HDGFL2: variants seen among roughly 807,000 people sequenced by gnomAD.
HDGFL2 encodes hepatoma-derived growth factor-related protein 2.
In HDGFL2, 36 loss-of-function variants were observed where a neutral mutation model predicts 77.1. The ratio of observed to expected loss-of-function variants is 0.47; its 90% confidence interval spans 0.36 to 0.62. The LOEUF (loss-of-function observed/expected upper bound fraction) is 0.62. Ranked by LOEUF, HDGFL2 falls within the 20% of genes least tolerant of loss-of-function variation. The probability of loss-of-function intolerance (pLI) is 0.00; values close to 1 mark genes in which losing one functional copy is unlikely to be tolerated. For missense variants in HDGFL2, 976 were observed against 973.4 expected (o/e 1.00, Z -0.04); for synonymous variants, 463 against 413.1 (o/e 1.12, Z -1.46).
chr19:4,483,536 C>T (rs1026383020), intron 3 of HDGFL2, among the ~76,000 whole-genome samples: 1 of 152,174 alleles, frequency 6.6e-6, no homozygotes, highest in Non-Finnish European at 1.5e-5. Flanking sequence ...CTGCAGCATC[C>T]GCCCAGCCCT....
At chr19:4,491,951 G>C in intron 6 of HDGFL2, 116 bp downstream of exon 6, 1 of 905,132 alleles carries the variant, frequency 1.1e-6, no homozygotes, top group South Asian at 1.5e-5. Context: ...ACGGACTGCA[G>C]GGTACCCGAG....
intron 4 of HDGFL2, among the ~76,000 whole-genome samples, chr19:4,489,649 G>A (rs764001214): frequency 2.0e-5 from 3 of 152,062 alleles, no homozygotes; most frequent in East Asian, 1.9e-4. Flanking sequence ...TGATCCGCCC[G>A]CTTCGGCCTC....
chr19:4,500,685 T>C (rs1166661453), intron 14 of HDGFL2, among the ~76,000 whole-genome samples: 5 of 152,132 alleles, frequency 3.3e-5, no homozygotes, highest in Admixed American at 2.6e-4. Flanking sequence ...ATGGTGTCAA[T>C]CTCTGGACCT....
intron 3 of HDGFL2, among the ~76,000 whole-genome samples, chr19:4,476,758 G>A (rs534999696): frequency 6.6e-6 from 1 of 151,898 alleles, no homozygotes; most frequent in East Asian, 1.9e-4. Flanking sequence ...AAGGCAAATG[G>A]CTAAAAGGCA....
intron 3 of HDGFL2, among the ~76,000 whole-genome samples, chr19:4,480,777 C>T (rs1046071697): frequency 6.6e-6 from 1 of 152,132 alleles, no homozygotes; most frequent in Non-Finnish European, 1.5e-5. Context: ...GACCTGGGAG[C>T]CAGGCCTGGC....
At chr19:4,479,560 G>T (rs1599701792) in intron 3 of HDGFL2, among the ~76,000 whole-genome samples, 1 of 141,922 alleles carries the variant, frequency 7.0e-6, no homozygotes, top group Non-Finnish European at 1.5e-5. Flanking sequence ...CAGCCTGGGC[G>T]ACACAGCGAG....
rs1207825602 is a variant in HDGFL2, at chr19:4,502,072, C to T, written c.*62C>T. 24 of 1,176,826 alleles carry T rather than the reference C, an allele frequency of 2.0e-5. No individual in the cohort carries two copies. The highest frequency in any genetic ancestry group is 7.7e-5 in the East Asian group (3 of 39,212). The allele number at this position is 1,176,826 out of a possible 1,614,324, so 72.9% of individuals were successfully genotyped here. A position where few individuals can be genotyped will look rare whatever the true frequency, so the allele number is the denominator to read the frequency against. ...AGGCTGCCCCTCTCCTTCCCCGGCT[C>T]GCAGGAGAGCAGAGCAGAGAACTGT... On this transcript the variant is annotated 3_prime_UTR_variant, in exon 16 of 16. Transcript: ENST00000616600.
At chr19:4,486,642 A>G (rs1975369935) in intron 3 of HDGFL2, among the ~76,000 whole-genome samples, 1 of 152,008 alleles carries the variant, frequency 6.6e-6, no homozygotes, top group African/African-American at 2.4e-5. Flanking sequence ...GATTGAGATC[A>G]TCCTGGTCAA....
intron 3 of HDGFL2, among the ~76,000 whole-genome samples, chr19:4,483,240 C>CTTCACCACACCCGG (rs1415851166): frequency 6.6e-6 from 1 of 152,208 alleles, no homozygotes; most frequent in African/African-American, 2.4e-5. Context: ...AGCGGTGACG[C>CTTCACCACACCCGG]TTCACCACAC....
intron 3 of HDGFL2, among the ~76,000 whole-genome samples, chr19:4,478,694 T>G (rs1230472343): frequency 6.6e-6 from 1 of 151,234 alleles, no homozygotes; most frequent in Non-Finnish European, 1.5e-5. Flanking sequence ...GTTGGTTTTT[T>G]TTTTTCAGAC....
chr19:4,496,139 G>A lies in HDGFL2; in HGVS notation c.1225-163G>A, dbSNP rs140498822. The stretch of plus-strand genomic sequence containing the variant: ...AGAACCCCACGATCCACTCAGGACC[G>A]GACACTGGGTCCTCCCTCCTCTCCC... On this transcript the variant is annotated intron_variant, in intron 9 of 15. Coordinates refer to ENST00000616600, the MANE Select transcript of HDGFL2 (RefSeq NM_001001520.3). 3.9e-5 allele frequency among the ~76,000 whole-genome samples: 6 copies of A among 152,232 alleles called. No homozygotes were observed. In the East Asian group the frequency reaches 5.8e-4, roughly 15 times the overall value.
intron 4 of HDGFL2, among the ~76,000 whole-genome samples, chr19:4,490,308 A>AG: frequency 6.6e-6 from 1 of 152,180 alleles, no homozygotes; most frequent in African/African-American, 2.4e-5. Flanking sequence ...GCTGGTCTCG[A>AG]ACTCCTGACC....
At chr19:4,478,979 A>G (rs1975143663) in intron 3 of HDGFL2, among the ~76,000 whole-genome samples, 1 of 150,382 alleles carries the variant, frequency 6.6e-6, no homozygotes, top group Non-Finnish European at 1.5e-5. Flanking sequence ...CACCGCGCCC[A>G]ACAGCGGGAA....
intron 3 of HDGFL2, among the ~76,000 whole-genome samples, chr19:4,482,145 G>A (rs1169746815): frequency 7.0e-6 from 1 of 142,326 alleles, no homozygotes; most frequent in Non-Finnish European, 1.5e-5. Context: ...CCATTCTCCT[G>A]CCTCAGCCTC....
chr19:4,492,754 GTGTC>G (rs1975554874), intron 6 of HDGFL2, among the ~76,000 whole-genome samples: 1 of 133,294 alleles, frequency 7.5e-6, no homozygotes, highest in Admixed American at 7.4e-5. Context: ...GGGTGTTTGT[GTGTC>G]TGGTGTGTCT....
intron 1 of HDGFL2, among the ~76,000 whole-genome samples, chr19:4,472,795 G>C (rs1395709936): frequency 6.7e-6 from 1 of 149,436 alleles, no homozygotes; most frequent in Non-Finnish European, 1.5e-5. Flanking sequence ...CCCGCCGTCT[G>C]GGCCTGCAGG....
Position 4,493,848 on chromosome 19 carries a change from G to C in HDGFL2, c.824G>C (p.Arg275Thr), listed in dbSNP as rs1468730045. ...GATGTGTCTGTGAAGAAGCCTCCGA[G>C]GGGCAGGAAGCCAGGTAGGGCCCTC... The part of the protein sequence containing the change: ...DSDVSVKKPP[R>T]GRKPAEKPLP... Residue 275 changes from arginine to threonine, a missense_variant, in exon 7 of 16, where the codon AGG becomes ACG. By Grantham distance (71) the Arg-to-Thr change is moderately conservative. Around this residue, in one of 5 missense-constraint regions of HDGFL2, gnomAD observed 567 missense variants for 534.7 expected, o/e 1.06. Coordinates refer to ENST00000616600, the MANE Select transcript of HDGFL2 (RefSeq NM_001001520.3). The C allele has an allele frequency of 6.6e-7, 1 of 1,510,762 alleles. No homozygotes were observed. Among genetic ancestry groups the C allele is most frequent in the Admixed American group, 2.2e-5 (1 of 46,376 alleles). 93.6% of individuals were successfully genotyped at this position (1,510,762 alleles called of 1,614,324 possible).
chr19:4,500,693 C>T (rs779563422), intron 14 of HDGFL2, among the ~76,000 whole-genome samples: 5 of 152,048 alleles, frequency 3.3e-5, no homozygotes, highest in Admixed American at 6.5e-5. Flanking sequence ...AATCTCTGGA[C>T]CTCATGATCC....
At chr19:4,483,830 C>T (rs1030228753) in intron 3 of HDGFL2, among the ~76,000 whole-genome samples, 1 of 142,638 alleles carries the variant, frequency 7.0e-6, no homozygotes, top group African/African-American at 2.6e-5. Flanking sequence ...TGCTCTGTCT[C>T]CTAAGCTGGA....
Sources: allele counts gnomAD v4.1 joint callset (sites outside exome capture counted in the v4.1 genomes callset), GRCh38; gene constraint gnomAD v4.1.1; regional missense constraint gnomAD v4.1.1; transcripts MANE v1.5; gene names NCBI Gene and HGNC (gene_info 2026-07-23, HGNC 2026-07-21).